Variants in CPS1 observed in about 807,000 individuals in gnomAD.
CPS1 encodes the protein carbamoyl-phosphate synthase [ammonia], mitochondrial.
In CPS1, 109 loss-of-function variants were observed where a neutral mutation model predicts 174.6. The observed-to-expected ratio is 0.62, with a 90% CI of 0.53 to 0.73. The LOEUF is 0.73. CPS1 is among the 30% of genes least tolerant of loss of function. CPS1 has a pLI of 0.00. For synonymous variants in CPS1, 637 were observed against 632.0 expected (o/e 1.01, Z -0.12); for missense variants, 1,689 against 1,821.9 (o/e 0.93, Z 1.33).
At chr2:210,486,832 G>A (rs1214403090) in intron 1 of CPS1, among the ~76,000 whole-genome samples, 1 of 152,054 alleles carries the variant, frequency 6.6e-6, no homozygotes, top group Non-Finnish European at 1.5e-5. Context: ...ATGCATTGTA[G>A]GTCAACTTCT....
intron 1 of CPS1, among the ~76,000 whole-genome samples, chr2:210,508,965 G>C (rs1695370192): frequency 6.6e-6 from 1 of 152,234 alleles, no homozygotes; most frequent in Non-Finnish European, 1.5e-5. Flanking sequence ...GGAGGAGCTG[G>C]TACCATTCCT....
intron 1 of CPS1, among the ~76,000 whole-genome samples, chr2:210,489,871 G>A (rs1468537662): frequency 1.3e-5 from 2 of 151,952 alleles, no homozygotes; most frequent in African/African-American, 2.4e-5. Flanking sequence ...GGTGGCGGAC[G>A]CCTGTAGTCC....
At chr2:210,557,361 A>G (rs1696947230) in intron 1 of CPS1, among the ~76,000 whole-genome samples, 1 of 152,132 alleles carries the variant, frequency 6.6e-6, no homozygotes, top group African/African-American at 2.4e-5. Context: ...TCATGTAGAC[A>G]CTGCTTTAGC....
chr2:210,505,729 C>G (rs1399147258), intron 1 of CPS1, among the ~76,000 whole-genome samples: 3 of 152,238 alleles, frequency 2.0e-5, no homozygotes, highest in Non-Finnish European at 2.9e-5. Context: ...AAACGGCACA[C>G]CAGGAGATTG....
chr2:210,588,276 C>A, intron 7 of CPS1, 129 bp downstream of exon 7: 1 of 801,084 alleles, frequency 1.2e-6, no homozygotes, highest in Non-Finnish European at 2.1e-6. Context: ...CTTCTTGTTG[C>A]TTTTGATTTA....
At chr2:210,639,420 G>A (rs1000883892) in intron 23 of CPS1, among the ~76,000 whole-genome samples, 1 of 151,432 alleles carries the variant, frequency 6.6e-6, no homozygotes, top group Non-Finnish European at 1.5e-5. Flanking sequence ...AGACCATCCT[G>A]GCTAACAAGG....
intron 1 of CPS1, among the ~76,000 whole-genome samples, chr2:210,516,405 T>C (rs1428392476): frequency 6.6e-6 from 1 of 151,828 alleles, no homozygotes; most frequent in African/African-American, 2.4e-5. Flanking sequence ...TAACAAACTC[T>C]TGAATTTAAT....
chr2:210,619,934 G>A (rs925920901), intron 21 of CPS1: 3 of 151,838 alleles, frequency 2.0e-5, no homozygotes, highest in Admixed American at 6.6e-5. Flanking sequence ...GGGCCTGTTG[G>A]GGGGTGGGGG....
chr2:210,577,632 G>A, intron 4 of CPS1, 122 bp downstream of exon 4: 2 of 800,256 alleles, frequency 2.5e-6, no homozygotes, highest in Non-Finnish European at 4.5e-6. Context: ...ATTTCAGAGA[G>A]GGATTCCTTC....
chr2:210,534,649 A>G (rs1157578217), intron 1 of CPS1, among the ~76,000 whole-genome samples: 2 of 152,226 alleles, frequency 1.3e-5, no homozygotes, highest in South Asian at 2.1e-4. Context: ...ATTTACAGTC[A>G]TAACTCAGGT....
Position 210,674,961 on chromosome 2 carries a change from G to C in CPS1, c.4161G>C (p.Lys1387Asn), listed in dbSNP as rs200616712. 1.2e-6 allele frequency: 2 copies of C among 1,609,606 alleles called. No homozygotes were observed. Among genetic ancestry groups the C allele is most frequent in the Admixed American group, 3.3e-5 (2 of 59,970 alleles). ...AACAATTACACAATGAAGGTTTCAA[G>C]GTATGTTCATTAGTTTTAAGTTGTT... ...VAEQLHNEGF[K>N]LFATEATSDW... Residue 1387 changes from lysine (K) to asparagine (N), a missense_variant and splice_region_variant, in exon 35 of 38, where the codon AAG becomes AAC. Physicochemically the swap from Lys to Asn is moderately conservative, Grantham distance 94 (BLOSUM62 0). Transcript: ENST00000233072.
chr2:210,661,358 A>C (rs1331079449), intron 32 of CPS1, among the ~76,000 whole-genome samples: 1 of 152,182 alleles, frequency 6.6e-6, no homozygotes, highest in Non-Finnish European at 1.5e-5. Context: ...TGATATATAA[A>C]CGTATTTGAA....
chr2:210,633,158 T>C (rs1699921840), intron 21 of CPS1, among the ~76,000 whole-genome samples: 1 of 152,246 alleles, frequency 6.6e-6, no homozygotes, highest in Non-Finnish European at 1.5e-5. Flanking sequence ...TTTGTGTTAC[T>C]GTTGCTCTTC....
chr2:210,583,382 C>A (rs1034753077), intron 6 of CPS1, among the ~76,000 whole-genome samples: 1 of 152,082 alleles, frequency 6.6e-6, no homozygotes, highest in African/African-American at 2.4e-5. Context: ...AACAAACAAG[C>A]AAGTAAATCA....
At chr2:210,576,699 A>G (rs563556895) in intron 3 of CPS1, among the ~76,000 whole-genome samples, 1 of 152,280 alleles carries the variant, frequency 6.6e-6, no homozygotes, top group South Asian at 2.1e-4. Flanking sequence ...TTGAATTTTA[A>G]TGCGTTGGAT....
At chr2:210,481,701 A>C (rs781043252) in intron 1 of CPS1, among the ~76,000 whole-genome samples, 1 of 152,236 alleles carries the variant, frequency 6.6e-6, no homozygotes, top group African/African-American at 2.4e-5. Flanking sequence ...CTACTTGCCT[A>C]GTAGCCACGT....
At chr2:210,538,492 T>TTAAA (rs1296590043) in intron 1 of CPS1, among the ~76,000 whole-genome samples, 18 of 152,050 alleles carry the variant, frequency 1.2e-4, no homozygotes, top group African/African-American at 4.3e-4. Flanking sequence ...TTTAATCCTT[T>TTAAA]ACTTCATTTT....
At chr2:210,584,967 G>T (rs960119655) in intron 6 of CPS1, among the ~76,000 whole-genome samples, 1 of 151,902 alleles carries the variant, frequency 6.6e-6, no homozygotes, top group Non-Finnish European at 1.5e-5. Context: ...TCCCCTTCTC[G>T]CCTGAAGAAG....
chr2:210,608,173 T>C (rs1449148016), intron 18 of CPS1, among the ~76,000 whole-genome samples, 188 bp from the exon 19 acceptor site: 1 of 151,922 alleles, frequency 6.6e-6, no homozygotes, highest in Non-Finnish European at 1.5e-5. Flanking sequence ...CCTGTGCCTC[T>C]ATACTTTGTA....
Sources: allele counts gnomAD v4.1 joint callset (sites outside exome capture counted in the v4.1 genomes callset), GRCh38; gene constraint gnomAD v4.1.1; transcripts MANE v1.5; gene names NCBI Gene and HGNC (gene_info 2026-07-23, HGNC 2026-07-21).